Variants in FSTL4 observed in about 807,000 individuals in gnomAD.
FSTL4 encodes follistatin-related protein 4.
In FSTL4, 28 loss-of-function variants were observed where a neutral mutation model predicts 78.2. The observed-to-expected ratio is 0.36, with a 90% CI of 0.27 to 0.49. The LOEUF (loss-of-function observed/expected upper bound fraction) is 0.49, where lower values mean the gene tolerates loss of function less well. Among genes scored for constraint, FSTL4 ranks in the 20% least tolerant of loss-of-function variants. The pLI is 0.98. For missense variants in FSTL4, 922 were observed against 1,084.9 expected (o/e 0.85, Z 2.11); for synonymous variants, 422 against 440.5 (o/e 0.96, Z 0.53).
At chr5:133,368,753 C>T (rs1437283610) in intron 4 of FSTL4, among the ~76,000 whole-genome samples, 3 of 152,172 alleles carry the variant, frequency 2.0e-5, no homozygotes, top group Non-Finnish European at 4.4e-5. Flanking sequence ...TGTAGTCTAG[C>T]CCCATGGGCA....
chr5:133,565,602 C>T (rs1471093904), intron 3 of FSTL4, among the ~76,000 whole-genome samples: 3 of 152,204 alleles, frequency 2.0e-5, no homozygotes, highest in Admixed American at 2.0e-4. Flanking sequence ...ACACTTCCAG[C>T]GGTGGAGAGG....
At chr5:133,524,079 G>A (rs1233998704) in intron 3 of FSTL4, among the ~76,000 whole-genome samples, 1 of 152,170 alleles carries the variant, frequency 6.6e-6, no homozygotes, top group South Asian at 2.1e-4. Context: ...GAGGGGAGCC[G>A]CTCAGGGAGA....
intron 2 of FSTL4, among the ~76,000 whole-genome samples, chr5:133,598,112 G>T (rs1248462114): frequency 6.6e-6 from 1 of 152,050 alleles, no homozygotes; most frequent in Non-Finnish European, 1.5e-5. Flanking sequence ...CTATTTTCCA[G>T]CATGACTGCA....
chr5:133,695,143 G>A, the FSTL4 span, among the ~76,000 whole-genome samples: 1 of 152,234 alleles, frequency 6.6e-6, no homozygotes, highest in South Asian at 2.1e-4. Context: ...GCAGTTGACT[G>A]CAACCCTCTT....
intron 3 of FSTL4, among the ~76,000 whole-genome samples, chr5:133,478,104 C>G (rs1421380903): frequency 6.6e-6 from 1 of 152,184 alleles, no homozygotes; most frequent in Admixed American, 6.5e-5. Context: ...TACTGAAGGT[C>G]CCCATTGAAC....
chr5:133,678,773 C>T, the FSTL4 span, among the ~76,000 whole-genome samples: 1 of 152,010 alleles, frequency 6.6e-6, no homozygotes, highest in Admixed American at 6.6e-5. Context: ...GATAAGATTA[C>T]CTAGGGAAGG....
chr5:133,593,728 T>G (rs576086374), intron 2 of FSTL4, among the ~76,000 whole-genome samples: 5 of 152,354 alleles, frequency 3.3e-5, no homozygotes, highest in African/African-American at 1.2e-4. Flanking sequence ...CTAATAAAGA[T>G]GTACTTCCTT....
At chr5:133,688,857 T>C in the FSTL4 span, among the ~76,000 whole-genome samples, 1 of 152,144 alleles carries the variant, frequency 6.6e-6, no homozygotes, top group Admixed American at 6.5e-5. Flanking sequence ...GCCAGGGATG[T>C]CATCTGCTGG....
At chr5:133,441,198 G>A (rs769407729) in intron 3 of FSTL4, among the ~76,000 whole-genome samples, 70 of 152,258 alleles carry the variant, frequency 4.6e-4, no homozygotes, top group Non-Finnish European at 8.1e-4. Context: ...TGCCAGGAAG[G>A]CACCTGGGAG....
At chr5:133,799,166 T>C in the FSTL4 span, among the ~76,000 whole-genome samples, 1 of 136,530 alleles carries the variant, frequency 7.3e-6, no homozygotes, top group Non-Finnish European at 1.6e-5. Flanking sequence ...GTGCCCCTCT[T>C]CCCCTGGGCA....
chr5:133,270,827 A>T (rs1025930638), intron 6 of FSTL4, among the ~76,000 whole-genome samples: 2 of 152,190 alleles, frequency 1.3e-5, no homozygotes, highest in African/African-American at 4.8e-5. Context: ...AAAGCCCAGA[A>T]CTACTCCAAT....
chr5:133,263,300 T>G (rs984317409), intron 6 of FSTL4, among the ~76,000 whole-genome samples: 6 of 152,222 alleles, frequency 3.9e-5, no homozygotes, highest in African/African-American at 1.4e-4. Flanking sequence ...CCTTGAAATT[T>G]ATTGATGCAT....
At chr5:133,490,060 C>A (rs960588205) in intron 3 of FSTL4, among the ~76,000 whole-genome samples, 8 of 152,148 alleles carry the variant, frequency 5.3e-5, no homozygotes, top group African/African-American at 1.9e-4. Flanking sequence ...CAGTTTCTTG[C>A]CTTTATAAAC....
the FSTL4 span, among the ~76,000 whole-genome samples, chr5:133,829,402 A>C: frequency 6.6e-6 from 1 of 152,270 alleles, no homozygotes; most frequent in African/African-American, 2.4e-5. Context: ...AAAGAAAAGA[A>C]AGAAAAAGCT....
chr5:133,208,533 AAT>A (rs1404670495), intron 14 of FSTL4, among the ~76,000 whole-genome samples: 5 of 152,202 alleles, frequency 3.3e-5, no homozygotes, highest in African/African-American at 4.8e-5. Flanking sequence ...ACTCCGTTCT[AAT>A]AGTTATCTTT....
chr5:133,308,918 C>A (rs769520627), intron 6 of FSTL4, among the ~76,000 whole-genome samples: 2 of 152,174 alleles, frequency 1.3e-5, no homozygotes, highest in African/African-American at 2.4e-5. Context: ...CCTTCCCATG[C>A]ATCCAACACA....
At chr5:133,363,424 A>G (rs1364079036) in intron 4 of FSTL4, among the ~76,000 whole-genome samples, 1 of 151,954 alleles carries the variant, frequency 6.6e-6, no homozygotes, top group African/African-American at 2.4e-5. Flanking sequence ...CCCACCCTTA[A>G]TGACTTTTCT....
At chr5:133,828,617 G>A in the FSTL4 span, among the ~76,000 whole-genome samples, 1 of 152,170 alleles carries the variant, frequency 6.6e-6, no homozygotes, top group East Asian at 1.9e-4. Flanking sequence ...AGCCAATTCT[G>A]CATCAGGCAC....
the FSTL4 span, among the ~76,000 whole-genome samples, chr5:133,821,999 T>C: frequency 0.99 from 151,134 of 152,308 alleles, 74,994 homozygotes; most frequent in Middle Eastern, 1. Flanking sequence ...CACTCAGGCA[T>C]ATTTCTCAAT....
Sources: gnomAD v4.1 joint callset for allele counts (sites outside exome capture counted in the v4.1 genomes callset) on GRCh38, gnomAD v4.1.1 for gene constraint, MANE v1.5 for transcripts, NCBI Gene and HGNC (gene_info 2026-07-23, HGNC 2026-07-21) for gene names.